The following OXR1 variants were observed in gnomAD, a reference collection of about 807,000 sequenced individuals.
OXR1 encodes oxidation resistance protein 1.
A neutral mutation model predicts 104.6 loss-of-function variants in OXR1; 41 were observed. That is an observed-to-expected ratio of 0.39 (90% CI 0.31 to 0.51). The LOEUF is 0.51. OXR1 is among the 20% of genes least tolerant of loss of function. The pLI is 0.77. For missense variants in OXR1, 955 were observed against 1,031.9 expected, an observed-to-expected ratio of 0.93 and a Z score of 1.02; for synonymous variants, 348 against 348.4, an observed-to-expected ratio of 1.00 and a Z score of 0.01.
At chr8:106,598,221 TC>T (rs1399055680) in intron 3 of OXR1, among the ~76,000 whole-genome samples, 2 of 152,158 alleles carry the variant, frequency 1.3e-5, no homozygotes, top group Non-Finnish European at 2.9e-5. Flanking sequence ...CAGCCTTTTC[TC>T]CCCTTTTTGA....
intron 3 of OXR1, among the ~76,000 whole-genome samples, chr8:106,606,889 T>C (rs539380716): frequency 1.3e-5 from 2 of 152,286 alleles, no homozygotes; most frequent in South Asian, 4.1e-4. Context: ...ATGGTAGTTT[T>C]TGCTGTTCTT....
chr8:106,596,119 C>T (rs1236134232), intron 3 of OXR1, among the ~76,000 whole-genome samples: 1 of 152,012 alleles, frequency 6.6e-6, no homozygotes, highest in East Asian at 1.9e-4. Context: ...TACCAAAGAT[C>T]AGTCTAGGCA....
intron 4 of OXR1, among the ~76,000 whole-genome samples, chr8:106,679,709 A>G (rs1360215583): frequency 1.3e-5 from 2 of 151,876 alleles, no homozygotes; most frequent in African/African-American, 2.4e-5. Context: ...TCCACATTAA[A>G]TCATTTGTAT....
At chr8:106,456,017 A>T (rs1053959273) in intron 2 of OXR1, among the ~76,000 whole-genome samples, 7 of 152,236 alleles carry the variant, frequency 4.6e-5, no homozygotes, top group African/African-American at 1.7e-4. Flanking sequence ...ATTTCACTTC[A>T]ATCTATACAG....
At chr8:106,553,164 C>G (rs1022581136) in intron 3 of OXR1, among the ~76,000 whole-genome samples, 1 of 151,992 alleles carries the variant, frequency 6.6e-6, no homozygotes, top group African/African-American at 2.4e-5. Flanking sequence ...TGTAACTAAC[C>G]TGCACATTGT....
rs947548801 is a variant in OXR1 at position 106,707,001 on chromosome 8, G to A, written c.1480G>A (p.Asp494Asn). The A allele has an allele frequency of 8.7e-6, 14 of 1,613,836 alleles. No individual in the cohort carries two copies. Among genetic ancestry groups the A allele is most frequent in the Non-Finnish European group, 1.2e-5 (14 of 1,179,938 alleles). The change falls in exon 9 of 17, where the codon GAC becomes AAC. Residue 494 changes from aspartate (D) to asparagine (N), a missense_variant. Transcript: ENST00000517566. ...KGKQGKEQNQ[D>N]SQTEAEELRK... ...AAAACAAGGAAAGGAGCAAAATCAG[G>A]ACTCACAGACAGAGGCAGAAGAGCT... is the stretch of plus-strand genomic sequence containing the variant.
intron 2 of OXR1, among the ~76,000 whole-genome samples, chr8:106,471,356 T>A (rs1821483274): frequency 6.6e-6 from 1 of 151,822 alleles, no homozygotes; most frequent in Admixed American, 6.6e-5. Flanking sequence ...TTTTCATCAC[T>A]GCTCAAAAAC....
At chr8:106,598,399 A>G (rs948675658) in intron 3 of OXR1, among the ~76,000 whole-genome samples, 1 of 152,166 alleles carries the variant, frequency 6.6e-6, no homozygotes, top group Non-Finnish European at 1.5e-5. Flanking sequence ...ACAGGAGGAA[A>G]GGTAACTCCT....
At chr8:106,318,018 C>T (rs906762870) in intron 1 of OXR1, among the ~76,000 whole-genome samples, 4 of 151,978 alleles carry the variant, frequency 2.6e-5, no homozygotes, top group Non-Finnish European at 4.4e-5. Flanking sequence ...TCCTAATGAC[C>T]ATGACAGGAA....
intron 3 of OXR1, among the ~76,000 whole-genome samples, chr8:106,545,043 G>A (rs1815245958): frequency 6.6e-6 from 1 of 152,048 alleles, no homozygotes; most frequent in African/African-American, 2.4e-5. Flanking sequence ...TGTGAAAGCG[G>A]TCCCGTGCAC....
intron 2 of OXR1, among the ~76,000 whole-genome samples, chr8:106,436,935 G>T (rs1819602903): frequency 6.6e-6 from 1 of 152,100 alleles, no homozygotes; most frequent in African/African-American, 2.4e-5. Context: ...CAAAAGAAGA[G>T]AAGTGGTACA....
At chr8:106,725,388 C>T (rs1833234264) in intron 11 of OXR1, among the ~76,000 whole-genome samples, 2 of 152,038 alleles carry the variant, frequency 1.3e-5, no homozygotes, top group East Asian at 1.9e-4. Flanking sequence ...AAGAAATTTT[C>T]AAATGTATCA....
chr8:106,484,286 A>G (rs1176937502), intron 2 of OXR1, among the ~76,000 whole-genome samples: 2 of 152,102 alleles, frequency 1.3e-5, no homozygotes, highest in Non-Finnish European at 2.9e-5. Flanking sequence ...AAAATAACAA[A>G]AAGAGTAGAA....
At chr8:106,288,929 A>C (rs1428258186) in intron 1 of OXR1, among the ~76,000 whole-genome samples, 1 of 152,000 alleles carries the variant, frequency 6.6e-6, no homozygotes, top group Non-Finnish European at 1.5e-5. Flanking sequence ...TTTGCCAAAC[A>C]TTGGGAAAAA....
chr8:106,504,838 A>G (rs1484514770), intron 2 of OXR1, among the ~76,000 whole-genome samples: 2 of 152,070 alleles, frequency 1.3e-5, no homozygotes, highest in East Asian at 3.9e-4. Context: ...TATTTTTTCT[A>G]TTGCCCCTTT....
intron 1 of OXR1, among the ~76,000 whole-genome samples, chr8:106,305,892 G>GA (rs1038147188): frequency 4.6e-5 from 7 of 152,052 alleles, no homozygotes; most frequent in African/African-American, 1.4e-4. Flanking sequence ...TTATACTAGA[G>GA]AAAAAACTGA....
intron 2 of OXR1, among the ~76,000 whole-genome samples, chr8:106,485,875 C>T (rs1901782): frequency 0.11 from 16,304 of 149,442 alleles, 970 homozygotes; most frequent in African/African-American, 0.15. Flanking sequence ...CAAATTTGCA[C>T]AGTGTCACTG....
chr8:106,377,195 T>C (rs1173484621), intron 2 of OXR1, among the ~76,000 whole-genome samples: 1 of 152,118 alleles, frequency 6.6e-6, no homozygotes, highest in Non-Finnish European at 1.5e-5. Context: ...ACACTTTTCT[T>C]TTTTTTGAGA....
chr8:106,609,119 G>A (rs28515157), intron 3 of OXR1, among the ~76,000 whole-genome samples: 31,438 of 151,906 alleles, frequency 0.21, 3,662 homozygotes, highest in East Asian at 0.38. Flanking sequence ...AAGGAAGAAT[G>A]TGTGGGCAGT....
Sources: gnomAD v4.1 joint callset for allele counts (sites outside exome capture counted in the v4.1 genomes callset) on GRCh38, gnomAD v4.1.1 for gene constraint, MANE v1.5 for transcripts, NCBI Gene and HGNC (gene_info 2026-07-23, HGNC 2026-07-21) for gene names.